The following UBXN7 variants were observed in gnomAD, a reference collection of about 807,000 sequenced individuals.
UBXN7 encodes the protein UBX domain-containing protein 7.
UBXN7 carries 9 observed loss-of-function variants against 58.0 expected under a neutral mutation model. That is an observed-to-expected ratio of 0.16 (90% CI 0.09 to 0.27). The LOEUF (loss-of-function observed/expected upper bound fraction) is 0.27. Ranked by LOEUF, UBXN7 falls within the 10% of genes least tolerant of loss-of-function variation. The pLI, the probability that UBXN7 is intolerant of heterozygous loss-of-function variation, is 1.00. For missense variants in UBXN7, 328 were observed against 599.6 expected (o/e 0.55, Z 4.73); for synonymous variants, 208 against 205.0 (o/e 1.01, Z -0.12).
chr3:196,427,881 C>A (rs554176219), intron 1 of UBXN7, among the ~76,000 whole-genome samples: 3 of 152,310 alleles, frequency 2.0e-5, no homozygotes, highest in Admixed American at 6.5e-5. Context: ...AATACCAGCA[C>A]TTTGGGAGGC....
intron 1 of UBXN7, among the ~76,000 whole-genome samples, chr3:196,426,514 T>C (rs1560246890): frequency 6.6e-6 from 1 of 151,848 alleles, no homozygotes; most frequent in Non-Finnish European, 1.5e-5. Flanking sequence ...TTAATCATAG[T>C]TTAATATTAA....
chr3:196,372,749 A>T (rs939521347), intron 5 of UBXN7, among the ~76,000 whole-genome samples: 27 of 144,918 alleles, frequency 1.9e-4, no homozygotes, highest in African/African-American at 6.9e-4. Flanking sequence ...TCCATCAACA[A>T]TTTTTTTTTT....
At chr3:196,410,959 C>T (rs1694280579) in intron 1 of UBXN7, among the ~76,000 whole-genome samples, 1 of 152,176 alleles carries the variant, frequency 6.6e-6, no homozygotes, top group South Asian at 2.1e-4. Context: ...TCATCCTACA[C>T]AGTTTACTAT....
At chr3:196,389,450 A>C (rs886753238) in intron 5 of UBXN7, among the ~76,000 whole-genome samples, 1 of 152,234 alleles carries the variant, frequency 6.6e-6, no homozygotes, top group African/African-American at 2.4e-5. Flanking sequence ...TCTGATTCAG[A>C]AAATTGAAAC....
intron 1 of UBXN7, among the ~76,000 whole-genome samples, chr3:196,409,781 G>A (rs1560239195): frequency 6.6e-6 from 1 of 152,050 alleles, no homozygotes; most frequent in Non-Finnish European, 1.5e-5. Flanking sequence ...TCCTTGCTAA[G>A]GCCCCAAGCT....
chr3:196,409,228 TAGA>T (rs1730251442), intron 1 of UBXN7, among the ~76,000 whole-genome samples: 1 of 152,088 alleles, frequency 6.6e-6, no homozygotes, highest in Non-Finnish European at 1.5e-5. Context: ...TTTTTATAAC[TAGA>T]AGTTCTGTTT....
Position 196,369,529 on chromosome 3 carries a change from T to A in UBXN7, c.616-18A>T, listed in dbSNP as rs1267224736. ...TGATAAACCTGTTAAATCATTGATA[T>A]AAAAAAAAAAGTCAGCCTCTAAGAA... is the stretch of plus-strand genomic sequence containing the variant. On this transcript the variant is annotated intron_variant, in intron 6 of 10. Transcript: ENST00000296328. 7 of 1,436,534 alleles carry A rather than the reference T, an allele frequency of 4.9e-6. No individual in the cohort carries two copies. The highest frequency in any genetic ancestry group is 4.1e-5 in the Admixed American group (2 of 48,232). The allele number at this position is 1,436,534 out of a possible 1,614,324, so 89.0% of individuals were successfully genotyped here.
At chr3:196,371,825 T>A in intron 6 of UBXN7, 71 bp downstream of exon 6, 1 of 1,545,828 alleles carries the variant, frequency 6.5e-7, no homozygotes, top group African/African-American at 1.4e-5. Flanking sequence ...TATAACCCAA[T>A]TCCTTTCCCT....
At chr3:196,401,946 C>G (rs2108852186) in intron 3 of UBXN7, among the ~76,000 whole-genome samples, 1 of 151,974 alleles carries the variant, frequency 6.6e-6, no homozygotes, top group South Asian at 2.1e-4. Flanking sequence ...ACCCATGTAA[C>G]AAACCTGCAC....
At chr3:196,364,537 A>G (rs142493775) in intron 8 of UBXN7, among the ~76,000 whole-genome samples, 1 of 152,272 alleles carries the variant, frequency 6.6e-6, no homozygotes, top group East Asian at 1.9e-4. Context: ...AAAGAGGCTC[A>G]ATAAACTACT....
chr3:196,412,227 T>A (rs1730350969), intron 1 of UBXN7, among the ~76,000 whole-genome samples: 1 of 73,878 alleles, frequency 1.4e-5, no homozygotes, highest in African/African-American at 4.5e-5. Flanking sequence ...CGAGACTTTG[T>A]CTCAAAAAAA....
chr3:196,389,691 A>C (rs947072220), intron 5 of UBXN7, among the ~76,000 whole-genome samples: 5 of 152,216 alleles, frequency 3.3e-5, no homozygotes, highest in African/African-American at 1.2e-4. Flanking sequence ...AGATGTCAGC[A>C]CAATGCTTTC....
chr3:196,432,375 C>A lies in UBXN7; in HGVS notation c.25G>T (p.Ala9Ser), dbSNP rs1731099143. Residue 9 changes from alanine to serine, a missense_variant, in exon 1 of 11, where the codon GCG (alanine) becomes TCG (serine). Physicochemically the swap from Ala to Ser is moderately conservative, Grantham distance 99 (BLOSUM62 1). This residue lies in a region of UBXN7 where 106 missense variants were observed against 124.3 expected (regional missense o/e 0.85). Transcript: ENST00000296328. ...ATTAACCCCTTCAGCGCCGAGGACG[C>A]CGCGGAGCCCCCGTGGGCAGCCATC... MAAHGGSA[A>S]SSALKGLIQQ... 6.3e-7 allele frequency: 1 copy of A among 1,595,610 alleles called. No homozygotes were observed. The highest frequency in any genetic ancestry group is 8.6e-7 in the Non-Finnish European group (1 of 1,167,080).
intron 2 of UBXN7, among the ~76,000 whole-genome samples, chr3:196,406,150 A>G (rs920431238): frequency 1.3e-5 from 2 of 151,770 alleles, no homozygotes; most frequent in African/African-American, 4.8e-5. Context: ...CTCCCATCTC[A>G]GCCTGCCAAG....
At chr3:196,410,294 G>A (rs183876067) in intron 1 of UBXN7, among the ~76,000 whole-genome samples, 1 of 152,124 alleles carries the variant, frequency 6.6e-6, no homozygotes, top group Admixed American at 6.6e-5. Context: ...CTCAGCAGCA[G>A]GGTTACTCAT....
intron 1 of UBXN7, among the ~76,000 whole-genome samples, chr3:196,418,916 T>G (rs1577477314): frequency 6.6e-6 from 1 of 152,196 alleles, no homozygotes; most frequent in Non-Finnish European, 1.5e-5. Context: ...AATCATTTAA[T>G]GCGAGAACCT....
chr3:196,409,940 CTTTTT>C (rs71621242), intron 1 of UBXN7, among the ~76,000 whole-genome samples: 1 of 138,150 alleles, frequency 7.2e-6, no homozygotes, highest in African/African-American at 2.7e-5. Context: ...TTAAAAGAAA[CTTTTT>C]TTTTTTTTTT....
intron 10 of UBXN7, among the ~76,000 whole-genome samples, chr3:196,358,136 C>A (rs945384227): frequency 6.6e-6 from 1 of 152,116 alleles, no homozygotes; most frequent in Non-Finnish European, 1.5e-5. Flanking sequence ...CATGATGAAC[C>A]ACGTGCGAGC....
chr3:196,417,202 G>A (rs1039504879), intron 1 of UBXN7, among the ~76,000 whole-genome samples: 34 of 152,128 alleles, frequency 2.2e-4, no homozygotes, highest in Middle Eastern at 3.4e-3. Flanking sequence ...AGTCCCAGCT[G>A]CTGGGGAGGC....
Sources: allele counts gnomAD v4.1 joint callset (sites outside exome capture counted in the v4.1 genomes callset), GRCh38; gene constraint gnomAD v4.1.1; regional missense constraint gnomAD v4.1.1; transcripts MANE v1.5; gene names NCBI Gene and HGNC (gene_info 2026-07-23, HGNC 2026-07-21).